The following MROH2A variants were observed in gnomAD, a reference collection of about 807,000 sequenced individuals.
The protein encoded by MROH2A is maestro heat like repeat family member 2A, also known as maestro heat-like repeat-containing protein family member 2A.
A neutral mutation model predicts 200.4 loss-of-function variants in MROH2A; 174 were observed. That is an observed-to-expected ratio of 0.87 (90% confidence interval 0.77 to 0.98). The LOEUF is 0.98. Ranked by LOEUF, MROH2A falls within the 50% of genes least tolerant of loss-of-function variation. The pLI is 0.00. For synonymous variants in MROH2A, 829 were observed against 840.4 expected, an observed-to-expected ratio of 0.99 and a Z score of 0.23; for missense variants, 2,045 against 2,139.6, an observed-to-expected ratio of 0.96 and a Z score of 0.87.
chr2:233,821,288 G>A (rs1041931000), intron 31 of MROH2A, among the ~76,000 whole-genome samples: 19 of 152,134 alleles, frequency 1.2e-4, no homozygotes, highest in African/African-American at 4.3e-4. Flanking sequence ...GCCATTGTAG[G>A]ACTGAGGTGC....
chr2:233,779,794 C>T lies in MROH2A; in HGVS notation c.218C>T (p.Ala73Val), dbSNP rs771392266. Reference sequence around the variant, plus strand: ...GCCTCGGTGATAATCATGGAGAAGGCCACCACTGAGCCTTCTGTAGTGATA... The same window carrying T: ...GCCTCGGTGATAATCATGGAGAAGGTCACCACTGAGCCTTCTGTAGTGATA... ...TLASVIIMEK[A>V]TTEPSVVINT... The change falls in exon 3 of 42, where the codon GCC becomes GTC. Residue 73 changes from alanine to valine, a missense_variant. Physicochemically the swap from Ala to Val is moderately conservative, Grantham distance 64 (BLOSUM62 0). Coordinates refer to ENST00000389758, the MANE Select transcript of MROH2A (RefSeq NM_001394639.1). 3.2e-6 allele frequency: 5 copies of T among 1,550,690 alleles called. No homozygotes were observed. The South Asian group carries it at 4.8e-5, about 15-fold the overall frequency.
upstream of MROH2A, among the ~76,000 whole-genome samples, chr2:233,777,811 T>C (rs981603037): frequency 5.3e-5 from 8 of 152,222 alleles, no homozygotes; most frequent in African/African-American, 1.9e-4. Context: ...CTGGATCATC[T>C]CTCCTAGCTA....
intron 16 of MROH2A, 28 bp downstream of exon 16, chr2:233,803,516 G>A (rs762252024): frequency 1.3e-6 from 2 of 1,549,672 alleles, no homozygotes; most frequent in South Asian, 2.4e-5. Flanking sequence ...ACCATGCCCT[G>A]GCCTGGCAAG....
intron 31 of MROH2A, among the ~76,000 whole-genome samples, chr2:233,821,005 C>T (rs1188202184): frequency 2.6e-5 from 4 of 152,096 alleles, no homozygotes; most frequent in Admixed American, 6.5e-5. Context: ...GTCAGGCTGG[C>T]GTACTTGGTG....
chr2:233,819,793 C>A, intron 30 of MROH2A, 109 bp from the exon 31 acceptor site: 1 of 1,259,620 alleles, frequency 7.9e-7, no homozygotes, highest in South Asian at 1.6e-5. Context: ...CTTAACCTCC[C>A]CATTGTCCAA....
chr2:233,810,944 C>G, intron 23 of MROH2A, 28 bp downstream of exon 23: 2 of 1,547,904 alleles, frequency 1.3e-6, no homozygotes, highest in Non-Finnish European at 1.7e-6. Context: ...CCTCCTTGGT[C>G]CTGTTCCTGG....
intron 35 of MROH2A, among the ~76,000 whole-genome samples, chr2:233,827,876 A>G (rs1160342127): frequency 6.6e-6 from 1 of 152,042 alleles, no homozygotes; most frequent in Non-Finnish European, 1.5e-5. Flanking sequence ...TTCCCTGAAG[A>G]GCATTTAAAA....
intron 19 of MROH2A, among the ~76,000 whole-genome samples, chr2:233,806,517 G>A (rs1702799463): frequency 6.6e-6 from 1 of 152,036 alleles, no homozygotes; most frequent in Non-Finnish European, 1.5e-5. Context: ...GAAATTCAAA[G>A]AATTAAAACG....
At chr2:233,799,211 G>GA (rs1269301112) in intron 12 of MROH2A, among the ~76,000 whole-genome samples, 5 of 152,194 alleles carry the variant, frequency 3.3e-5, no homozygotes, top group Admixed American at 2.6e-4. Flanking sequence ...TCAAAAGGCT[G>GA]AAAACCACAG....
Position 233,807,171 on chromosome 2 carries a change from T to C in MROH2A, c.2053-252T>C, listed in dbSNP as rs1308260042. Among the ~76,000 whole-genome samples the C allele has an allele frequency of 6.6e-6, 1 of 151,858 alleles. No individual in the cohort carries two copies. Among genetic ancestry groups the C allele is most frequent in the Non-Finnish European group, 1.5e-5 (1 of 68,022 alleles). ...CATTATATATATATATAATATGAAC[T>C]GATATATGTATATATAAACTGATAT... On this transcript the variant is annotated intron_variant, in intron 19 of 41. Transcript: ENST00000389758. This position sits in a 1 kb window ranked among gnomAD's most constrained non-coding sequence, Gnocchi z 4.3.
chr2:233,788,128 ATATT>A (rs1445012193), intron 3 of MROH2A, among the ~76,000 whole-genome samples: 13 of 108,540 alleles, frequency 1.2e-4, no homozygotes, highest in African/African-American at 3.3e-4. Flanking sequence ...ATATACATAT[ATATT>A]TTATATATAT....
chr2:233,789,822 T>C (rs1701608613), intron 4 of MROH2A, 30 bp from the exon 5 acceptor site: 10 of 1,531,736 alleles, frequency 6.5e-6, no homozygotes, highest in Non-Finnish European at 8.8e-6. Flanking sequence ...CTGGTGGTGG[T>C]GCCATATGTC....
chr2:233,799,308 G>A (rs1702309836), intron 12 of MROH2A, among the ~76,000 whole-genome samples: 1 of 152,198 alleles, frequency 6.6e-6, no homozygotes, highest in Non-Finnish European at 1.5e-5. Context: ...GCATAGTGAG[G>A]GGTCTGCACA....
intron 33 of MROH2A, 126 bp from the exon 34 acceptor site, chr2:233,822,755 C>T: frequency 7.8e-7 from 1 of 1,288,814 alleles, no homozygotes; most frequent in Non-Finnish European, 1.1e-6. Context: ...CCTCCCTGGA[C>T]CTTTCCCTCA....
intron 3 of MROH2A, among the ~76,000 whole-genome samples, chr2:233,780,537 T>C (rs896542260): frequency 1.3e-5 from 2 of 152,234 alleles, no homozygotes; most frequent in African/African-American, 4.8e-5. Context: ...AGCTTATTTA[T>C]AAAAAGTTTT....
At chr2:233,809,369 C>T (rs1298422913) in intron 22 of MROH2A, 91 bp downstream of exon 22, 3 of 1,385,486 alleles carry the variant, frequency 2.2e-6, no homozygotes, top group Non-Finnish European at 3.0e-6. Flanking sequence ...GCATCCCTAC[C>T]CAGGGGACAT....
chr2:233,812,800 T>C (rs1322188437), intron 24 of MROH2A, among the ~76,000 whole-genome samples: 1 of 152,072 alleles, frequency 6.6e-6, no homozygotes, highest in African/African-American at 2.4e-5. Context: ...AGCAACTCGG[T>C]TTATACAAAA....
chr2:233,801,281 G>T (rs1191539528), intron 14 of MROH2A, among the ~76,000 whole-genome samples: 1 of 150,304 alleles, frequency 6.7e-6, no homozygotes, highest in East Asian at 2.0e-4. Context: ...GCACTTGATG[G>T]TTGGTAGCAC....
Position 233,807,503 on chromosome 2 carries a change from G to C in MROH2A, c.2133G>C (p.Leu711=), listed in dbSNP as rs1309188782. Reference sequence around the variant, plus strand: ...AGGTGGAGGTCCTGCTGTTGGAGCTGCTGTACAAGACGGACTACAGCAATG... The same window carrying C: ...AGGTGGAGGTCCTGCTGTTGGAGCTCCTGTACAAGACGGACTACAGCAATG... ...ASKVEVLLLE[L]LYKTDYSNDF... The change falls in exon 20 of 42, where the codon CTG becomes CTC. Residue 711 remains leucine (L), a synonymous_variant. Transcript: ENST00000389758. This position sits in a 1 kb window ranked among gnomAD's most constrained non-coding sequence, Gnocchi z 4.3. 5.2e-6 allele frequency: 8 copies of C among 1,550,512 alleles called. No homozygotes were observed. In the South Asian group the frequency reaches 7.1e-5, roughly 14 times the overall value.
Sources: allele counts gnomAD v4.1 joint callset (sites outside exome capture counted in the v4.1 genomes callset), GRCh38; gene constraint gnomAD v4.1.1; non-coding constraint Gnocchi (gnomAD v3.1); transcripts MANE v1.5; gene names NCBI Gene and HGNC (gene_info 2026-07-23, HGNC 2026-07-21).